TASP1: variants seen among roughly 807,000 people sequenced by gnomAD.
TASP1 encodes the protein taspase 1.
In TASP1, 16 loss-of-function variants were observed where a neutral mutation model predicts 56.6. The observed-to-expected ratio is 0.28, with a 90% CI of 0.19 to 0.43. The LOEUF is 0.43. TASP1 is among the 20% of genes least tolerant of loss of function. The pLI is 1.00. For missense variants in TASP1, 393 were observed against 511.6 expected (o/e 0.77, Z 2.24); for synonymous variants, 179 against 184.2 (o/e 0.97, Z 0.23).
At chr20:13,593,663 T>C (rs2047621031) in intron 4 of TASP1, among the ~76,000 whole-genome samples, 1 of 152,076 alleles carries the variant, frequency 6.6e-6, no homozygotes, top group African/African-American at 2.4e-5. Flanking sequence ...GCGTCCACCA[T>C]TGCTGAGGCT....
intron 8 of TASP1, among the ~76,000 whole-genome samples, chr20:13,542,627 A>C (rs750757436): frequency 1.3e-5 from 2 of 152,192 alleles, no homozygotes; most frequent in African/African-American, 2.4e-5. Flanking sequence ...ATTTCAAAAA[A>C]CAATATCAAA....
chr20:13,256,395 C>CAA, the TASP1 span, among the ~76,000 whole-genome samples: 347 of 69,732 alleles, frequency 5.0e-3, no homozygotes, highest in Non-Finnish European at 6.0e-3. Flanking sequence ...GACCCCGTCT[C>CAA]AAAAAAAAAA....
intron 13 of TASP1, among the ~76,000 whole-genome samples, chr20:13,409,009 ATTC>A (rs1457129624): frequency 2.0e-5 from 3 of 151,850 alleles, no homozygotes; most frequent in African/African-American, 4.8e-5. Context: ...TTTTCTATCT[ATTC>A]TTCTTAAAGC....
chr20:13,404,042 G>A (rs75161224), intron 13 of TASP1, among the ~76,000 whole-genome samples: 2,711 of 152,224 alleles, frequency 0.018, 78 homozygotes, highest in African/African-American at 0.06. Flanking sequence ...AAATCCTAAG[G>A]AGAATATTTT....
chr20:13,242,795 C>T, the TASP1 span, among the ~76,000 whole-genome samples: 1 of 152,124 alleles, frequency 6.6e-6, no homozygotes, highest in African/African-American at 2.4e-5. Context: ...CTTAAGACAT[C>T]GGGTTCCTTA....
intron 2 of TASP1, 108 bp downstream of exon 2, chr20:13,629,826 T>G: frequency 6.6e-7 from 1 of 1,517,360 alleles, no homozygotes; most frequent in Non-Finnish European, 9.0e-7. Flanking sequence ...AATTCCTCTC[T>G]GGCAGTTTTG....
intron 13 of TASP1, among the ~76,000 whole-genome samples, chr20:13,403,462 A>G (rs1485755693): frequency 3.9e-5 from 6 of 152,148 alleles, no homozygotes; most frequent in Non-Finnish European, 8.8e-5. Flanking sequence ...TACTGCTGCC[A>G]CCACCACCCA....
chr20:13,158,282 A>C, the TASP1 span, among the ~76,000 whole-genome samples: 1 of 152,176 alleles, frequency 6.6e-6, no homozygotes, highest in Admixed American at 6.5e-5. Flanking sequence ...TCATTATATA[A>C]AATTTCCAGT....
At chr20:13,272,207 A>G in the TASP1 span, among the ~76,000 whole-genome samples, 451 of 152,286 alleles carry the variant, frequency 3.0e-3, 4 homozygotes, top group Non-Finnish European at 1.7e-3. Flanking sequence ...ACTCAGACCA[A>G]TTGATCCTTC....
At chr20:13,551,609 T>A (rs1254711078) in intron 8 of TASP1, among the ~76,000 whole-genome samples, 1 of 152,210 alleles carries the variant, frequency 6.6e-6, no homozygotes, top group African/African-American at 2.4e-5. Flanking sequence ...GATTATGCCA[T>A]GCATTCAATC....
At chr20:13,159,227 A>G in the TASP1 span, among the ~76,000 whole-genome samples, 2 of 152,242 alleles carry the variant, frequency 1.3e-5, no homozygotes, top group African/African-American at 4.8e-5. Flanking sequence ...TTTACTCTGC[A>G]TCAGACCGCT....
At chr20:13,504,697 T>C (rs929469372) in intron 10 of TASP1, among the ~76,000 whole-genome samples, 2 of 152,130 alleles carry the variant, frequency 1.3e-5, no homozygotes, top group Admixed American at 6.6e-5. Context: ...AAGATGTAAA[T>C]TGTGGTATCA....
intron 10 of TASP1, among the ~76,000 whole-genome samples, chr20:13,520,605 C>T (rs181575925): frequency 1.1e-3 from 161 of 152,230 alleles, no homozygotes; most frequent in African/African-American, 3.6e-3. Flanking sequence ...TTCCTTACAC[C>T]TTATACAAAA....
intron 10 of TASP1, among the ~76,000 whole-genome samples, chr20:13,494,242 C>T (rs1354913254): frequency 6.6e-6 from 1 of 152,146 alleles, no homozygotes; most frequent in East Asian, 1.9e-4. Flanking sequence ...TCACTTATGA[C>T]ATCTATGCTT....
At chr20:13,602,962 G>A (rs2048018770) in intron 4 of TASP1, among the ~76,000 whole-genome samples, 1 of 152,144 alleles carries the variant, frequency 6.6e-6, no homozygotes, top group Non-Finnish European at 1.5e-5. Flanking sequence ...CAGGCATGGT[G>A]GCTCATGTCT....
At position 13,630,061 on chromosome 20, in the gene TASP1, C is replaced by A; in HGVS notation, c.18G>T (p.Gly6=). 1 of 1,613,232 alleles carries A rather than the reference C, an allele frequency of 6.2e-7. No individual in the cohort carries two copies. Among genetic ancestry groups the A allele is most frequent in the East Asian group, 2.2e-5 (1 of 44,810 alleles). ...AAGGCAGCCCTTCTCCAGAACTCAT[C>A]CCCTTCTCCATGGTCATTCTCCAAG... MTMEK[G]MSSGEGLPSR... is the part of the protein sequence containing the mutation. The change falls in exon 2 of 14, where the codon GGG becomes GGT. Residue 6 remains glycine (G), a synonymous_variant. Transcript: ENST00000337743.
At chr20:13,382,569 C>G in the TASP1 span, among the ~76,000 whole-genome samples, 1 of 152,146 alleles carries the variant, frequency 6.6e-6, no homozygotes, top group Non-Finnish European at 1.5e-5. Flanking sequence ...TTGCTTGAGC[C>G]TGGGAAGTTG....
the TASP1 span, among the ~76,000 whole-genome samples, chr20:13,143,862 A>C: frequency 1.3e-5 from 2 of 152,200 alleles, no homozygotes; most frequent in South Asian, 4.1e-4. Context: ...AAATTGGAAC[A>C]GTTGTCGACA....
In TASP1 at chr20:13,632,380, GAAAAAAGA is replaced by G. The variant is rs2049128304; in HGVS notation, c.-74-2236_-74-2229del. 5.5e-5 allele frequency among the ~76,000 whole-genome samples: 8 copies of G among 145,556 alleles called. No homozygotes were observed. The South Asian group carries it at 1.7e-3, about 32-fold the overall frequency. On this transcript the variant is annotated intron_variant, in intron 1 of 13. Transcript: ENST00000337743. Reference sequence around the variant, plus strand: ...ACTCCATCTCAAAAAAAAAAAAAAAGAAAAAAGAAAAAAAGAAAAGAAAAGAAAATACA... The same window carrying G: ...ACTCCATCTCAAAAAAAAAAAAAAAGAAAAAAGAAAAGAAAAGAAAATACA...
Sources: gnomAD v4.1 joint callset for allele counts (sites outside exome capture counted in the v4.1 genomes callset) on GRCh38, gnomAD v4.1.1 for gene constraint, MANE v1.5 for transcripts, NCBI Gene and HGNC (gene_info 2026-07-23, HGNC 2026-07-21) for gene names.